Variants in CLSPN observed in about 807,000 individuals in gnomAD.
The protein encoded by CLSPN is claspin homolog.
In CLSPN, 85 loss-of-function variants were observed where a neutral mutation model predicts 156.3. That is an observed-to-expected ratio of 0.54 (90% CI 0.46 to 0.65). CLSPN has a LOEUF of 0.65. CLSPN is among the 30% of genes least tolerant of loss of function. The pLI is 0.00. For missense variants in CLSPN, 1,407 were observed against 1,554.9 expected, an observed-to-expected ratio of 0.90 and a Z score of 1.60; for synonymous variants, 534 against 542.4, an observed-to-expected ratio of 0.98 and a Z score of 0.22.
intron 5 of CLSPN, 65 bp downstream of exon 5, chr1:35,762,339 C>T (rs1642509507): frequency 2.2e-6 from 3 of 1,337,410 alleles, no homozygotes; most frequent in African/African-American, 2.9e-5. Context: ...ATATTTATCC[C>T]TAAGAAATCT....
chr1:35,737,098 G>T, intron 23 of CLSPN, 23 bp from the exon 24 acceptor site: 1 of 1,607,048 alleles, frequency 6.2e-7, no homozygotes, highest in Non-Finnish European at 8.5e-7. Context: ...GAGTCATCTG[G>T]TATCAAATCC....
chr1:35,721,576 CAG>C (rs1467414915), intron 24 of CLSPN, among the ~76,000 whole-genome samples: 8 of 151,918 alleles, frequency 5.3e-5, no homozygotes, highest in Non-Finnish European at 1.2e-4. Context: ...TTAGTAGAGA[CAG>C]GGTTTCACCA....
At position 35,743,459 on chromosome 1, in the gene CLSPN, T is replaced by G. The variant is rs549709098; in HGVS notation, c.3038A>C (p.Asp1013Ala). The part of the protein sequence containing the change: ...LVSNDNEFDS[D>A]EDEHSDSGND... ...CTTTGTTCCCTTCATACTCACCTCA[T>G]CACTATCAAACTCATTATCATTTGA... is the stretch of plus-strand genomic sequence containing the variant. The change falls in exon 17 of 25, where the codon GAT becomes GCT. Residue 1013 changes from aspartate to alanine, a missense_variant. By Grantham distance (126) the Asp-to-Ala change is moderately radical (BLOSUM62 -2). Coordinates refer to ENST00000318121, the MANE Select transcript of CLSPN (RefSeq NM_022111.4). 7.4e-5 allele frequency: 119 copies of G among 1,612,504 alleles called. 1 individual carries two copies. In the South Asian group the frequency reaches 1.2e-3, roughly 17 times the overall value.
At chr1:35,764,777 C>A in intron 2 of CLSPN, 63 bp from the exon 3 acceptor site, 1 of 1,030,004 alleles carries the variant, frequency 9.7e-7, no homozygotes, top group South Asian at 1.8e-5. Flanking sequence ...TCCCACTACT[C>A]CTCAAAAATA....
chr1:35,754,447 C>T (rs1192101827), intron 8 of CLSPN, among the ~76,000 whole-genome samples: 1 of 151,980 alleles, frequency 6.6e-6, no homozygotes, highest in Non-Finnish European at 1.5e-5. Context: ...AGGGTTCAAG[C>T]GATTCTCCTG....
chr1:35,736,762 G>A (rs1174832501), intron 24 of CLSPN, 152 bp downstream of exon 24: 7 of 1,290,492 alleles, frequency 5.4e-6, no homozygotes, highest in Middle Eastern at 2.7e-4. Context: ...GTTGATTACC[G>A]ACTGGGGTAG....
At chr1:35,763,115 T>C (rs188005356) in intron 4 of CLSPN, 45 bp downstream of exon 4, 9 of 1,429,684 alleles carry the variant, frequency 6.3e-6, no homozygotes, top group Non-Finnish European at 7.4e-6. Context: ...ATAGCAAAGG[T>C]CAGAAGCAGT....
downstream of CLSPN, among the ~76,000 whole-genome samples, chr1:35,728,618 G>A (rs1641246509): frequency 6.6e-6 from 1 of 152,062 alleles, no homozygotes; most frequent in Admixed American, 6.6e-5. Context: ...AAGAAGCACA[G>A]GTTTCTGTTT....
chr1:35,758,742 G>A (rs967364672), intron 8 of CLSPN, among the ~76,000 whole-genome samples: 3 of 150,800 alleles, frequency 2.0e-5, no homozygotes, highest in Admixed American at 6.6e-5. Context: ...CCATTTGCAT[G>A]CATTATTTCA....
In CLSPN at chr1:35,749,659, C is replaced by G. The variant is rs1642013767; in HGVS notation, c.2181G>C (p.Leu727=). ...CCATCTTGGAAGAGCTGTCCTTAAA[C>G]AGAAGTAAAGTAGAATCTGATGAGA... ...KSLSSDSTLL[L]FKDSSSKMGY... is the part of the protein sequence containing the mutation. The change falls in exon 11 of 25, where the codon CTG becomes CTC. Residue 727 remains leucine, a synonymous_variant. Coordinates refer to ENST00000318121, the MANE Select transcript of CLSPN (RefSeq NM_022111.4). The G allele has an allele frequency of 6.2e-7, 1 of 1,614,000 alleles. No homozygotes were observed. Among genetic ancestry groups the G allele is most frequent in the Non-Finnish European group, 8.5e-7 (1 of 1,180,014 alleles).
chr1:35,745,987 C>T lies in CLSPN; in HGVS notation c.2855-425G>A, dbSNP rs540424040. Among the ~76,000 whole-genome samples, 21 of 152,048 alleles carry T rather than the reference C, an allele frequency of 1.4e-4. No individual in the cohort carries two copies. The Middle Eastern group carries it at 0.01, about 74-fold the overall frequency. ...TTTTGAGACAGTCTCTCTCTGTTGC[C>T]CAGGCTGGAGTGCAGTGGCACAATC... is the stretch of plus-strand genomic sequence containing the variant. On this transcript the variant is annotated intron_variant, in intron 15 of 24. Transcript: ENST00000318121.
Position 35,764,697 on chromosome 1 carries a change from A to T in CLSPN, c.151T>A (p.Phe51Ile). The change falls in exon 3 of 25, where the codon TTT becomes ATT. Residue 51 changes from phenylalanine (F) to isoleucine (I), a missense_variant. Around this residue, in one of 3 missense-constraint regions of CLSPN, gnomAD observed 1,096 missense variants for 1,193.0 expected, o/e 0.92. Transcript: ENST00000318121. ...LSEGDSDEEIFVSKKLKNRKV... is the reference protein window; with the variant it reads ...LSEGDSDEEIIVSKKLKNRKV... Reference sequence around the variant, plus strand: ...CTGTTTTTCAACTTCTTACTTACAAATATCTCTTCATCTGAATCTGGAGGA... The same window carrying T: ...CTGTTTTTCAACTTCTTACTTACAATTATCTCTTCATCTGAATCTGGAGGA... 1 of 1,576,198 alleles carries T rather than the reference A, an allele frequency of 6.3e-7. No individual in the cohort carries two copies. Among genetic ancestry groups the T allele is most frequent in the Non-Finnish European group, 8.6e-7 (1 of 1,167,536 alleles).
At chr1:35,755,959 G>T (rs1280233901) in intron 8 of CLSPN, among the ~76,000 whole-genome samples, 2 of 152,128 alleles carry the variant, frequency 1.3e-5, no homozygotes, top group Non-Finnish European at 2.9e-5. Flanking sequence ...TCCCACCTTA[G>T]TCTCCCAAAG....
At chr1:35,726,156 A>AAAAAAAAAAAAAT (rs1641183951) in intron 24 of CLSPN, among the ~76,000 whole-genome samples, 1 of 145,780 alleles carries the variant, frequency 6.9e-6, no homozygotes, top group Admixed American at 6.8e-5. Flanking sequence ...TGCAGACAAA[A>AAAAAAAAAAAAAT]AAAAAAAAAA....
intron 1 of CLSPN, among the ~76,000 whole-genome samples, chr1:35,769,300 C>T (rs1172521163): frequency 2.6e-5 from 4 of 152,216 alleles, no homozygotes; most frequent in Non-Finnish European, 5.9e-5. Flanking sequence ...CAGGGAGCTG[C>T]CAGCCACCAG....
rs1398381343 is a variant in CLSPN, at chr1:35,732,237, T to G, written c.*4259A>C. 4 of 985,208 alleles carry G rather than the reference T, an allele frequency of 4.1e-6. No homozygotes were observed. The highest frequency in any genetic ancestry group is 4.8e-6 in the Non-Finnish European group (4 of 829,896). 61.0% of individuals were successfully genotyped at this position (985,208 alleles called of 1,614,324 possible). A position where few individuals can be genotyped will look rare whatever the true frequency, so the allele number is the denominator to read the frequency against. ...CCATCTCAAGGATGACATAATCAAA[T>G]AGTATCATGGGAACACTCCTCCCAG... On this transcript the variant is annotated 3_prime_UTR_variant, in exon 25 of 25. Transcript: ENST00000318121.
chr1:35,726,175 A>AAAAAAAAAAG (rs1641184674), intron 24 of CLSPN, among the ~76,000 whole-genome samples: 1 of 148,168 alleles, frequency 6.7e-6, no homozygotes, highest in Non-Finnish European at 1.5e-5. Context: ...AAAAAAAAAA[A>AAAAAAAAAAG]GCGCATAGCA....
In CLSPN at chr1:35,733,660, A is replaced by G. The variant is rs1421916398; in HGVS notation, c.*2836T>C. The G allele has an allele frequency of 1.0e-6, 1 of 985,256 alleles. No individual in the cohort carries two copies. The highest frequency in any genetic ancestry group is 1.7e-5 in the African/African-American group (1 of 57,218). The allele number at this position is 985,256 out of a possible 1,614,324, so 61.0% of individuals were successfully genotyped here. On this transcript the variant is annotated 3_prime_UTR_variant, in exon 25 of 25. Transcript: ENST00000318121. ...CATGGATAAAATGAAGTACATACAAACTTAGCTAAAGAGAAAGGCCAATCA... is the reference window on the plus strand; with the variant it reads ...CATGGATAAAATGAAGTACATACAAGCTTAGCTAAAGAGAAAGGCCAATCA...
chr1:35,731,413 T>G (rs537022729), downstream of CLSPN, among the ~76,000 whole-genome samples: 273 of 152,110 alleles, frequency 1.8e-3, no homozygotes, highest in Non-Finnish European at 3.1e-3. Context: ...AGACAGCAGG[T>G]TGGGAGGCAG....
Sources: gnomAD v4.1 joint callset for allele counts (sites outside exome capture counted in the v4.1 genomes callset) on GRCh38, gnomAD v4.1.1 for gene constraint, gnomAD v4.1.1 regional missense constraint, MANE v1.5 for transcripts, NCBI Gene and HGNC (gene_info 2026-07-23, HGNC 2026-07-21) for gene names.